Variants in NIPAL3 observed in about 807,000 individuals in gnomAD.
NIPAL3 encodes the protein NIPA-like protein 3.
In NIPAL3, 41 loss-of-function variants were observed where a neutral mutation model predicts 47.2. That is an observed-to-expected ratio of 0.87 (90% confidence interval 0.68 to 1.13). NIPAL3 has a LOEUF of 1.13. Ranked by LOEUF, NIPAL3 falls within the 50% of genes most tolerant of loss-of-function variation. The pLI, the probability that NIPAL3 is intolerant of heterozygous loss-of-function variation, is 0.00. For synonymous variants in NIPAL3, 194 were observed against 209.6 expected, an observed-to-expected ratio of 0.93 and a Z score of 0.64; for missense variants, 449 against 530.1, an observed-to-expected ratio of 0.85 and a Z score of 1.50.
chr1:24,438,788 T>C (rs560431427), intron 2 of NIPAL3, among the ~76,000 whole-genome samples: 1 of 152,136 alleles, frequency 6.6e-6, no homozygotes, highest in Non-Finnish European at 1.5e-5. Context: ...GAGAACATGC[T>C]GGGAAGGAGG....
chr1:24,465,283 G>A (rs1021837257), intron 11 of NIPAL3: 1 of 152,148 alleles, frequency 6.6e-6, no homozygotes, highest in Admixed American at 6.5e-5. Context: ...TTTCTCGGCT[G>A]TGTTCCGGAT....
chr1:24,465,892 A>C, intron 11 of NIPAL3: 1 of 1,403,498 alleles, frequency 7.1e-7, no homozygotes, highest in Non-Finnish European at 9.3e-7. Flanking sequence ...ACCTGGTGGC[A>C]GGTAGAACAT....
chr1:24,465,836 T>G (rs1646674332), intron 11 of NIPAL3: 1 of 1,084,268 alleles, frequency 9.2e-7, no homozygotes, highest in Admixed American at 3.4e-5. Context: ...TTGGTTTCAC[T>G]TCCCTTTTGC....
intron 2 of NIPAL3, among the ~76,000 whole-genome samples, chr1:24,431,974 T>C (rs1644900866): frequency 6.6e-6 from 1 of 151,626 alleles, no homozygotes; most frequent in African/African-American, 2.4e-5. Flanking sequence ...GTGCCTTTCC[T>C]GTGTAGCCCT....
intron 11 of NIPAL3, among the ~76,000 whole-genome samples, chr1:24,468,764 G>A (rs543230457): frequency 1.3e-5 from 2 of 152,284 alleles, no homozygotes; most frequent in East Asian, 1.9e-4. Context: ...GCTGGTCTGT[G>A]TGCATATTTC....
chr1:24,459,602 A>G (rs1646377627), intron 9 of NIPAL3, among the ~76,000 whole-genome samples: 1 of 152,266 alleles, frequency 6.6e-6, no homozygotes, highest in South Asian at 2.1e-4. Context: ...CTTTGGTGAA[A>G]GCCTGGCTGT....
intron 2 of NIPAL3, among the ~76,000 whole-genome samples, chr1:24,428,876 A>G (rs1324632535): frequency 1.3e-5 from 2 of 148,854 alleles, no homozygotes; most frequent in Admixed American, 1.3e-4. Context: ...TCCCTGCCAC[A>G]CTCCCTGACT....
At chr1:24,424,541 C>A (rs1327385974) in intron 2 of NIPAL3, among the ~76,000 whole-genome samples, 1 of 152,180 alleles carries the variant, frequency 6.6e-6, no homozygotes, top group Admixed American at 6.5e-5. Flanking sequence ...AAGCCATCTC[C>A]TTTCTCGATT....
intron 11 of NIPAL3, chr1:24,465,182 T>C (rs1300979363): frequency 1.5e-5 from 2 of 134,492 alleles, no homozygotes; most frequent in Non-Finnish European, 3.3e-5. Flanking sequence ...GCCTAAGATT[T>C]CTCCTAGGAG....
chr1:24,455,619 G>C (rs1324983732), intron 7 of NIPAL3, among the ~76,000 whole-genome samples: 1 of 151,806 alleles, frequency 6.6e-6, no homozygotes, highest in East Asian at 1.9e-4. Flanking sequence ...AAGAATTCAA[G>C]ACCTGCCTGG....
Position 24,451,876 on chromosome 1 carries a change from T to C in NIPAL3, c.541-1532T>C, listed in dbSNP as rs1645952933. ...CTTCACAAAACATGAAGATTGTTTA[T>C]GGTAACTAAAAACAGCCCAGTACAA... On this transcript the variant is annotated intron_variant, in intron 6 of 11. Coordinates refer to ENST00000374399, the MANE Select transcript of NIPAL3 (RefSeq NM_020448.5). The surrounding 1 kb of genome is among the most constrained non-coding windows in gnomAD (Gnocchi z 4.5). 6.6e-6 allele frequency among the ~76,000 whole-genome samples: 1 copy of C among 152,186 alleles called. No individual in the cohort carries two copies. The highest frequency in any genetic ancestry group is 2.1e-4 in the South Asian group (1 of 4,830).
chr1:24,428,721 A>G (rs185118841), intron 2 of NIPAL3, among the ~76,000 whole-genome samples: 13 of 152,190 alleles, frequency 8.5e-5, no homozygotes, highest in Admixed American at 7.9e-4. Context: ...TCTGCCTTTC[A>G]TCAGTTGATT....
chr1:24,417,995 C>A (rs113273211), intron 1 of NIPAL3, among the ~76,000 whole-genome samples: 3 of 152,158 alleles, frequency 2.0e-5, no homozygotes, highest in African/African-American at 7.2e-5. Flanking sequence ...TAAAATTAAT[C>A]TTAACAGCAG....
chr1:24,431,118 A>G (rs191363887), intron 2 of NIPAL3, among the ~76,000 whole-genome samples: 2 of 152,328 alleles, frequency 1.3e-5, no homozygotes, highest in South Asian at 2.1e-4. Flanking sequence ...GGGCCAAACT[A>G]TCCCATTCCA....
intron 8 of NIPAL3, among the ~76,000 whole-genome samples, chr1:24,458,616 G>A (rs557400578): frequency 1.3e-5 from 2 of 152,182 alleles, no homozygotes; most frequent in South Asian, 2.1e-4. Context: ...GACAGGAGCC[G>A]TGCAGCCAAA....
rs894403223 is a variant in NIPAL3 at position 24,460,516 on chromosome 1, G to A, written c.898G>A (p.Val300Met). Residue 300 changes from valine to methionine, a missense_variant, in exon 10 of 12, where the codon GTG (valine) becomes ATG (methionine). Physicochemically the swap from Val to Met is conservative, Grantham distance 21. Transcript: ENST00000374399. The part of the protein sequence containing the change: ...IFYLDFIGED[V>M]LHICMFALGC... Reference sequence around the variant, plus strand: ...TTACCTGGACTTCATCGGGGAGGACGTGCTGCACATCTGCATGTTTGCACT... The same window carrying A: ...TTACCTGGACTTCATCGGGGAGGACATGCTGCACATCTGCATGTTTGCACT... 12 of 1,584,346 alleles carry A rather than the reference G, an allele frequency of 7.6e-6. No homozygotes were observed. The highest frequency in any genetic ancestry group is 5.5e-5 in the Admixed American group (3 of 54,118).
Position 24,416,129 on chromosome 1 carries a change from TC to T in NIPAL3, c.-258+226del, listed in dbSNP as rs1644015713. ...TACCTTACTAAAGGTGATGCCAGGC[TC>T]TACCAAACCAGGAAGTGACATGGAG... On this transcript the variant is annotated intron_variant, in intron 1 of 11. Coordinates refer to ENST00000374399, the MANE Select transcript of NIPAL3 (RefSeq NM_020448.5). The surrounding 1 kb of genome is among the most constrained non-coding windows in gnomAD (Gnocchi z 4.8). 1.0e-6 allele frequency: 1 copy of T among 985,458 alleles called. No individual in the cohort carries two copies. 61.0% of individuals were successfully genotyped at this position (985,458 alleles called of 1,614,324 possible).
At chr1:24,443,309 C>T (rs1645490570) in intron 4 of NIPAL3, among the ~76,000 whole-genome samples, 1 of 152,188 alleles carries the variant, frequency 6.6e-6, no homozygotes, top group Admixed American at 6.5e-5. Flanking sequence ...GCAGCCAGGA[C>T]AATGAACTTG....
chr1:24,467,040 T>TGG, intron 11 of NIPAL3, among the ~76,000 whole-genome samples: 1 of 152,332 alleles, frequency 6.6e-6, no homozygotes, highest in East Asian at 1.9e-4. Flanking sequence ...TGTGTGACCT[T>TGG]GGGCAAGTTA....
Sources: gnomAD v4.1 joint callset for allele counts (sites outside exome capture counted in the v4.1 genomes callset) on GRCh38, gnomAD v4.1.1 for gene constraint, Gnocchi (gnomAD v3.1) non-coding constraint, MANE v1.5 for transcripts, NCBI Gene and HGNC (gene_info 2026-07-23, HGNC 2026-07-21) for gene names.